XKR4: variants seen among roughly 807,000 people sequenced by gnomAD.
XKR4 encodes XK related 4, also known as XK-related protein 4.
A neutral mutation model predicts 53.9 loss-of-function variants in XKR4; 12 were observed. The observed-to-expected ratio is 0.22, with a 90% CI of 0.14 to 0.36. The LOEUF is 0.36. XKR4 is among the 10% of genes least tolerant of loss of function. The pLI, the probability that XKR4 is intolerant of heterozygous loss-of-function variation, is 1.00. For synonymous variants in XKR4, 354 were observed against 362.4 expected (o/e 0.98, Z 0.26); for missense variants, 799 against 859.5 (o/e 0.93, Z 0.88).
At chr8:55,117,094 G>A (rs1816320834) in intron 1 of XKR4, among the ~76,000 whole-genome samples, 1 of 152,152 alleles carries the variant, frequency 6.6e-6, no homozygotes, top group South Asian at 2.1e-4. Flanking sequence ...TATGATAAAA[G>A]TTAATTTTAC....
intron 1 of XKR4, among the ~76,000 whole-genome samples, chr8:55,137,591 T>C (rs76759744): frequency 6.6e-6 from 1 of 151,322 alleles, no homozygotes; most frequent in Admixed American, 6.6e-5. Flanking sequence ...TTTTTTTTTT[T>C]TGAAATAGGG....
Position 55,524,453 on chromosome 8 carries a change from A to T in XKR4, c.*226A>T, listed in dbSNP as rs1176637335. On this transcript the variant is annotated 3_prime_UTR_variant, in exon 3 of 3. Transcript: ENST00000327381. ...CACCTGAAAGAATGACGCTGGCTTA[A>T]TAGGACTCTCCATTGCTACCAAACT... 1.4e-5 allele frequency: 8 copies of T among 571,244 alleles called. No individual in the cohort carries two copies. The highest frequency in any genetic ancestry group is 2.5e-5 in the Non-Finnish European group (8 of 323,642). The allele number at this position is 571,244 out of a possible 1,614,324, so 35.4% of individuals were successfully genotyped here.
intron 2 of XKR4, among the ~76,000 whole-genome samples, chr8:55,501,560 TC>T (rs1646250792): frequency 6.6e-6 from 1 of 152,202 alleles, no homozygotes; most frequent in Non-Finnish European, 1.5e-5. Flanking sequence ...GCCATATTTG[TC>T]TTTTTGTGAC....
In XKR4 at chr8:55,523,420, C is replaced by T. The variant is rs766421902; in HGVS notation, c.1146C>T (p.Thr382=). ...TCCAGTTCTGCTGGCACTTCTTCAC[C>T]ATCGCCGCCAGGGTCATCACGTTTG... ...VIIQFCWHFF[T]IAARVITFAL... The change falls in exon 3 of 3, where the codon ACC becomes ACT. Residue 382 remains threonine (T), a synonymous_variant. Coordinates refer to ENST00000327381, the MANE Select transcript of XKR4 (RefSeq NM_052898.2). 1.9e-6 allele frequency: 3 copies of T among 1,614,232 alleles called. No homozygotes were observed. The highest frequency in any genetic ancestry group is 2.2e-5 in the South Asian group (2 of 91,084).
intron 2 of XKR4, among the ~76,000 whole-genome samples, chr8:55,377,499 G>A (rs1804167727): frequency 6.6e-6 from 1 of 152,102 alleles, no homozygotes; most frequent in Admixed American, 6.6e-5. Flanking sequence ...GGCAGCGCTA[G>A]CAAATAATCT....
At chr8:55,268,940 C>T (rs568071955) in intron 1 of XKR4, among the ~76,000 whole-genome samples, 1 of 152,254 alleles carries the variant, frequency 6.6e-6, no homozygotes, top group Admixed American at 6.5e-5. Flanking sequence ...TTTGGATGAA[C>T]TTGTGCTAAA....
chr8:55,521,047 C>A (rs1231713287), intron 2 of XKR4: 1 of 152,272 alleles, frequency 6.6e-6, no homozygotes. Flanking sequence ...CGAGCCTGAC[C>A]GGCGGTGCAG....
chr8:55,232,894 T>C (rs972375755), intron 1 of XKR4, among the ~76,000 whole-genome samples: 1 of 152,168 alleles, frequency 6.6e-6, no homozygotes, highest in African/African-American at 2.4e-5. Flanking sequence ...TCTTCCACTC[T>C]CTCTGTTCTG....
At chr8:55,397,949 T>C (rs181521129) in intron 2 of XKR4, among the ~76,000 whole-genome samples, 1 of 152,280 alleles carries the variant, frequency 6.6e-6, no homozygotes, top group African/African-American at 2.4e-5. Flanking sequence ...GTTAATCTCT[T>C]TGACATCCCC....
At chr8:55,165,052 AG>A (rs1398147752) in intron 1 of XKR4, among the ~76,000 whole-genome samples, 1 of 152,174 alleles carries the variant, frequency 6.6e-6, no homozygotes, top group African/African-American at 2.4e-5. Context: ...TAGAATGGGC[AG>A]CCCTAGGAAG....
At chr8:55,305,936 AG>A (rs1164955602) in intron 1 of XKR4, among the ~76,000 whole-genome samples, 61 of 152,216 alleles carry the variant, frequency 4.0e-4, no homozygotes, top group African/African-American at 4.8e-5. Flanking sequence ...TGTAAGTAAA[AG>A]TTAGTTTCAG....
Position 55,381,151 on chromosome 8 carries a change from G to A in XKR4, c.1006+23274G>A, listed in dbSNP as rs180959389. On this transcript the variant is annotated intron_variant, in intron 2 of 2. Transcript: ENST00000327381. ...CCAGATTTATTGGAGATGATGAAAAGTAATTATTTTCATTTCAAGATGAAA... is the reference window on the plus strand; with the variant it reads ...CCAGATTTATTGGAGATGATGAAAAATAATTATTTTCATTTCAAGATGAAA... Among the ~76,000 whole-genome samples the A allele has an allele frequency of 6.7e-3, 1,024 of 152,238 alleles. 7 individuals carry two copies. Among genetic ancestry groups the A allele is most frequent in the Non-Finnish European group, 0.011 (747 of 68,014 alleles).
At chr8:55,308,618 CA>C (rs1462926881) in intron 1 of XKR4, among the ~76,000 whole-genome samples, 4 of 152,114 alleles carry the variant, frequency 2.6e-5, no homozygotes, top group Admixed American at 6.5e-5. Flanking sequence ...AGAGACAAAC[CA>C]TATCACCATA....
chr8:55,410,538 C>G (rs895866478), intron 2 of XKR4, among the ~76,000 whole-genome samples: 15 of 152,218 alleles, frequency 9.9e-5, no homozygotes, highest in Admixed American at 6.5e-4. Flanking sequence ...TCTCAGACAC[C>G]CAGGCTAGTA....
At chr8:55,406,808 T>C (rs1393103328) in intron 2 of XKR4, among the ~76,000 whole-genome samples, 2 of 152,252 alleles carry the variant, frequency 1.3e-5, no homozygotes, top group African/African-American at 4.8e-5. Context: ...CAGTGTCTAC[T>C]ATAGGAAAGA....
At chr8:55,199,828 C>T (rs555909771) in intron 1 of XKR4, among the ~76,000 whole-genome samples, 2 of 152,306 alleles carry the variant, frequency 1.3e-5, no homozygotes, top group East Asian at 1.9e-4. Context: ...CTGTGTTATG[C>T]ACTTTATTTG....
chr8:55,339,825 A>C (rs1447646322), intron 1 of XKR4, among the ~76,000 whole-genome samples: 1 of 152,200 alleles, frequency 6.6e-6, no homozygotes, highest in South Asian at 2.1e-4. Flanking sequence ...GTTCAGAAAA[A>C]GAATATAGGA....
At chr8:55,123,318 A>G (rs1268827616) in intron 1 of XKR4, among the ~76,000 whole-genome samples, 1 of 152,202 alleles carries the variant, frequency 6.6e-6, no homozygotes. Flanking sequence ...CCTCATTTCT[A>G]GATACTCTGT....
At position 55,374,401 on chromosome 8, in the gene XKR4, G is replaced by A. The variant is rs117505542; in HGVS notation, c.1006+16524G>A. 5.1e-4 allele frequency among the ~76,000 whole-genome samples: 78 copies of A among 152,306 alleles called. 1 individual carries two copies. The East Asian group carries it at 0.013, about 25-fold the overall frequency. On this transcript the variant is annotated intron_variant, in intron 2 of 2. Transcript: ENST00000327381. Reference sequence around the variant, plus strand: ...TGGACACCCAAAGAGAGAAGTGACCGGTTCCACCTGGAGAGAGTGAGAGAG... The same window carrying A: ...TGGACACCCAAAGAGAGAAGTGACCAGTTCCACCTGGAGAGAGTGAGAGAG...
Sources: allele counts gnomAD v4.1 joint callset (sites outside exome capture counted in the v4.1 genomes callset), GRCh38; gene constraint gnomAD v4.1.1; transcripts MANE v1.5; gene names NCBI Gene and HGNC (gene_info 2026-07-23, HGNC 2026-07-21).